YBX3: variants seen among roughly 807,000 people sequenced by gnomAD.
YBX3 encodes the protein Y-box binding protein 3.
YBX3 carries 29 observed loss-of-function variants against 42.4 expected under a neutral mutation model. The observed-to-expected ratio is 0.68, with a 90% CI of 0.51 to 0.93. The LOEUF (loss-of-function observed/expected upper bound fraction) is 0.93, where lower values mean the gene tolerates loss of function less well. YBX3 is among the 40% of genes least tolerant of loss of function. The pLI, the probability that YBX3 is intolerant of heterozygous loss-of-function variation, is 0.00. For synonymous variants in YBX3, 195 were observed against 189.8 expected (o/e 1.03, Z -0.22); for missense variants, 517 against 527.5 (o/e 0.98, Z 0.19).
At chr12:10,700,356 T>C (rs1948064938) in intron 9 of YBX3, among the ~76,000 whole-genome samples, 1 of 152,132 alleles carries the variant, frequency 6.6e-6, no homozygotes, top group East Asian at 1.9e-4. Context: ...TTTTGAAAAA[T>C]AGCATTGACA....
chr12:10,712,027 C>A (rs1948206235), intron 5 of YBX3: 1 of 152,208 alleles, frequency 6.6e-6, no homozygotes, highest in South Asian at 2.1e-4. Flanking sequence ...TAAGCAAAAA[C>A]AAAGAAACAA....
rs1307249126 is a variant in YBX3 at position 10,703,763 on chromosome 12, T to C, written c.878+288A>G. On this transcript the variant is annotated intron_variant, in intron 7 of 9. Coordinates refer to ENST00000228251, the MANE Select transcript of YBX3 (RefSeq NM_003651.5). The stretch of plus-strand genomic sequence containing the variant: ...CTCCATCTGCAGCATTACCACAGAA[T>C]TGCCCACCAATAATTTATCTGATTT... 2.9e-5 allele frequency: 10 copies of C among 342,292 alleles called. No homozygotes were observed. In the Admixed American group the frequency reaches 3.0e-4, roughly 10 times the overall value. The allele number at this position is 342,292 out of a possible 1,614,324, so 21.2% of individuals were successfully genotyped here.
intron 9 of YBX3, among the ~76,000 whole-genome samples, chr12:10,700,634 C>T (rs1183881395): frequency 6.6e-6 from 1 of 152,094 alleles, no homozygotes; most frequent in South Asian, 2.1e-4. Flanking sequence ...TGTAAACACT[C>T]CCTGTTATTT....
intron 4 of YBX3, among the ~76,000 whole-genome samples, chr12:10,714,397 TACTC>T (rs1398835303): frequency 2.0e-5 from 3 of 152,196 alleles, no homozygotes; most frequent in African/African-American, 7.2e-5. Context: ...TTTTTAATCT[TACTC>T]AATATTGTTT....
In YBX3 at chr12:10,723,050, T is replaced by A; in HGVS notation, c.62A>T (p.Glu21Val). ...TTTTLPQAPT[E>V]AAAAAPQDPA... Reference sequence around the variant, plus strand: ...GTCCTGGGGAGCCGCGGCGGCCGCCTCCGTCGGAGCCTGCGGGAGGGTGGT... The same window carrying A: ...GTCCTGGGGAGCCGCGGCGGCCGCCACCGTCGGAGCCTGCGGGAGGGTGGT... Residue 21 changes from glutamate (E) to valine (V), a missense_variant, in exon 1 of 10, where the codon GAG (glutamate) becomes GTG (valine). By Grantham distance (121) the Glu-to-Val change is moderately radical (BLOSUM62 -2). This residue lies in a region of YBX3 where 86 missense variants were observed against 82.5 expected (regional missense o/e 1.04). Transcript: ENST00000228251. 8.3e-7 allele frequency: 1 copy of A among 1,205,254 alleles called. No homozygotes were observed. Among genetic ancestry groups the A allele is most frequent in the Non-Finnish European group, 1.0e-6 (1 of 972,720 alleles). 74.7% of individuals were successfully genotyped at this position (1,205,254 alleles called of 1,614,324 possible). A position where few individuals can be genotyped will look rare whatever the true frequency, so the allele number is the denominator to read the frequency against.
intron 1 of YBX3, among the ~76,000 whole-genome samples, chr12:10,721,255 G>C (rs1213160123): frequency 1.3e-5 from 2 of 152,208 alleles, no homozygotes; most frequent in Non-Finnish European, 2.9e-5. Context: ...AAAGGCATCA[G>C]ACTCATCACC....
At position 10,702,133 on chromosome 12, in the gene YBX3, T is replaced by C. The variant is rs912648029; in HGVS notation, c.880A>G (p.Arg294Gly). Reference protein sequence around the residue: ...NPTYRPRYRSRGPPRPRPAPA... With the variant: ...NPTYRPRYRSGGPPRPRPAPA... Reference sequence around the variant, plus strand: ...GCAGGTCGTGGGCGAGGAGGTCCCCTGCTGTAGGGAACACAGAAGAAAATA... The same window carrying C: ...GCAGGTCGTGGGCGAGGAGGTCCCCCGCTGTAGGGAACACAGAAGAAAATA... Residue 294 changes from arginine (R) to glycine (G), a missense_variant and splice_region_variant, in exon 8 of 10, where the codon AGG becomes GGG. Arg to Gly is a moderately radical substitution (Grantham distance 125). Coordinates refer to ENST00000228251, the MANE Select transcript of YBX3 (RefSeq NM_003651.5). 1 of 1,613,302 alleles carries C rather than the reference T, an allele frequency of 6.2e-7. No homozygotes were observed. The highest frequency in any genetic ancestry group is 8.5e-7 in the Non-Finnish European group (1 of 1,179,644).
intron 5 of YBX3, chr12:10,711,199 T>A (rs1948196275): frequency 6.6e-6 from 1 of 152,134 alleles, no homozygotes; most frequent in Non-Finnish European, 1.5e-5. Flanking sequence ...TTTTACATTT[T>A]AAAAAACCAA....
At chr12:10,706,150 G>A (rs571688055) in intron 6 of YBX3, among the ~76,000 whole-genome samples, 17 of 152,200 alleles carry the variant, frequency 1.1e-4, no homozygotes, top group African/African-American at 4.1e-4. Context: ...ATATATATGT[G>A]GGTTTATGGC....
chr12:10,717,978 G>A lies in YBX3; in HGVS notation c.360+110C>T, dbSNP rs900630249. 8 of 877,276 alleles carry A rather than the reference G, an allele frequency of 9.1e-6. No homozygotes were observed. The African/African-American group carries it at 1.4e-4, about 15-fold the overall frequency. The allele number at this position is 877,276 out of a possible 1,614,324, so 54.3% of individuals were successfully genotyped here. On this transcript the variant is annotated intron_variant, in intron 3 of 9. Coordinates refer to ENST00000228251, the MANE Select transcript of YBX3 (RefSeq NM_003651.5). ...CCTGTTGCAAAATAAATCACAGAAA[G>A]AGTTTAGATTAAAATAATAATCCAT...
At chr12:10,706,405 T>C (rs1483950864) in intron 6 of YBX3, among the ~76,000 whole-genome samples, 1 of 152,234 alleles carries the variant, frequency 6.6e-6, no homozygotes, top group Non-Finnish European at 1.5e-5. Context: ...ATATGTCTCC[T>C]CTTCCCGCCC....
chr12:10,700,907 G>C (rs1360650008), intron 9 of YBX3, among the ~76,000 whole-genome samples: 2 of 152,138 alleles, frequency 1.3e-5, no homozygotes, highest in African/African-American at 2.4e-5. Context: ...TTACTAAACA[G>C]GTTCTGAAAC....
At chr12:10,715,860 A>T in intron 3 of YBX3, 77 bp from the exon 4 acceptor site, 3 of 1,220,256 alleles carry the variant, frequency 2.5e-6, no homozygotes, top group Non-Finnish European at 3.6e-6. Flanking sequence ...CAAGTACACC[A>T]GAGTGAACTT....
chr12:10,701,816 T>C (rs1374567200), intron 8 of YBX3, 144 bp downstream of exon 8: 9 of 908,414 alleles, frequency 9.9e-6, no homozygotes, highest in African/African-American at 5.0e-5. Flanking sequence ...GTACAAGGCA[T>C]ACCCTATATA....
chr12:10,720,972 T>C (rs914226848), intron 1 of YBX3: 4 of 152,214 alleles, frequency 2.6e-5, no homozygotes. Flanking sequence ...TAGATTTCCA[T>C]AACATTTATC....
intron 5 of YBX3, chr12:10,712,232 G>A (rs1014310674): frequency 6.6e-6 from 1 of 152,212 alleles, no homozygotes; most frequent in Admixed American, 6.5e-5. Context: ...ATCCTGTGCT[G>A]ACAAACATTC....
rs1173554461 is a variant in YBX3 at position 10,703,411 on chromosome 12, G to GAATA, written c.878+636_878+639dup. 14 of 178,718 alleles carry GAATA rather than the reference G, an allele frequency of 7.8e-5. No individual in the cohort carries two copies. The East Asian group carries it at 8.8e-4, about 11-fold the overall frequency. The allele number at this position is 178,718 out of a possible 1,614,324, so 11.1% of individuals were successfully genotyped here. A position where few individuals can be genotyped will look rare whatever the true frequency, so the allele number is the denominator to read the frequency against. On this transcript the variant is annotated intron_variant, in intron 7 of 9. Coordinates refer to ENST00000228251, the MANE Select transcript of YBX3 (RefSeq NM_003651.5). ...CTTCCAAAGGAATAAAGCACAAATA[G>GAATA]AATAACCCAGCGTTCACTAATATTA...
At chr12:10,715,041 C>T (rs188676155) in intron 4 of YBX3, among the ~76,000 whole-genome samples, 15 of 151,960 alleles carry the variant, frequency 9.9e-5, no homozygotes, top group African/African-American at 3.4e-4. Flanking sequence ...TGGGCCACCA[C>T]GCCCAGCTGC....
At chr12:10,718,215 C>CA in intron 2 of YBX3, 94 bp from the exon 3 acceptor site, 1 of 1,058,664 alleles carries the variant, frequency 9.4e-7, no homozygotes, top group Non-Finnish European at 1.4e-6. Flanking sequence ...CCCAAGTCCT[C>CA]AAAACACAAC....
Sources: gnomAD v4.1 joint callset for allele counts (sites outside exome capture counted in the v4.1 genomes callset) on GRCh38, gnomAD v4.1.1 for gene constraint, gnomAD v4.1.1 regional missense constraint, MANE v1.5 for transcripts, NCBI Gene and HGNC (gene_info 2026-07-23, HGNC 2026-07-21) for gene names.